SMARCA2: variants seen among roughly 807,000 people sequenced by gnomAD.
SMARCA2 encodes SWI/SNF related BAF chromatin remodeling complex subunit ATPase 2, also known as SWI/SNF-related matrix-associated actin-dependent regulator of chromatin subfamily A member 2.
SMARCA2 carries 61 observed loss-of-function variants against 199.8 expected under a neutral mutation model. That is an observed-to-expected ratio of 0.31 (90% CI 0.25 to 0.38). SMARCA2 has a LOEUF of 0.38. SMARCA2 is among the 10% of genes least tolerant of loss of function. The pLI is 1.00. For synonymous variants in SMARCA2, 935 were observed against 732.0 expected, an observed-to-expected ratio of 1.28 and a Z score of -4.48; for missense variants, 1,344 against 2,012.2, an observed-to-expected ratio of 0.67 and a Z score of 6.35.
In SMARCA2 at chr9:2,160,410, CAT is replaced by C. The variant is rs1426028449; in HGVS notation, c.3982-1273_3982-1272del. On this transcript the variant is annotated intron_variant, in intron 27 of 33. Transcript: ENST00000349721. Reference sequence around the variant, plus strand: ...TGCACATTGGAGGATGCGTAGAAAACATATTTTTTTAAAAATCCCACTGGCAT... The same window carrying C: ...TGCACATTGGAGGATGCGTAGAAAACATTTTTTTAAAAATCCCACTGGCAT... 7.3e-6 allele frequency: 4 copies of C among 549,506 alleles called. No homozygotes were observed. In the African/African-American group the frequency reaches 7.6e-5, roughly 10 times the overall value. The allele number at this position is 549,506 out of a possible 1,614,324, so 34.0% of individuals were successfully genotyped here. A position where few individuals can be genotyped will look rare whatever the true frequency, so the allele number is the denominator to read the frequency against.
intron 27 of SMARCA2, among the ~76,000 whole-genome samples, chr9:2,131,654 G>A (rs979763020): frequency 2.6e-5 from 4 of 152,106 alleles, no homozygotes; most frequent in Non-Finnish European, 5.9e-5. Context: ...TAATTTTGGG[G>A]TTTTCTTCTT....
intron 28 of SMARCA2, among the ~76,000 whole-genome samples, chr9:2,168,230 C>T (rs982884170): frequency 6.6e-6 from 1 of 151,918 alleles, no homozygotes; most frequent in African/African-American, 2.4e-5. Context: ...AGGCTGGTCT[C>T]GAACTCCTGA....
chr9:2,179,543 A>G (rs575677268), intron 29 of SMARCA2, among the ~76,000 whole-genome samples: 15 of 152,216 alleles, frequency 9.9e-5, no homozygotes, highest in African/African-American at 3.4e-4. Flanking sequence ...TTGTCTCCTT[A>G]TGGGGTTTAG....
intron 19 of SMARCA2, among the ~76,000 whole-genome samples, chr9:2,089,345 G>C (rs1821950608): frequency 6.6e-6 from 1 of 152,112 alleles, no homozygotes; most frequent in South Asian, 2.1e-4. Context: ...CATTCTCTTA[G>C]AGACAGTTTA....
chr9:2,167,173 C>G (rs1825974923), intron 28 of SMARCA2, among the ~76,000 whole-genome samples: 1 of 152,202 alleles, frequency 6.6e-6, no homozygotes, highest in South Asian at 2.1e-4. Context: ...AATCTACATG[C>G]TTTTCCAGGA....
intron 8 of SMARCA2, among the ~76,000 whole-genome samples, chr9:2,060,580 G>C (rs1032670725): frequency 2.0e-5 from 3 of 152,250 alleles, no homozygotes; most frequent in African/African-American, 7.2e-5. Flanking sequence ...CACACGTACA[G>C]TGTGGCTTTG....
rs543215359 is a variant in SMARCA2, at chr9:2,191,164, G to A, written c.4595-102G>A. ...AAACCGGGAATGTTCTGGGCACTCT[G>A]GGATGTTTGTGTTGTCTGTAGGTTG... On this transcript the variant is annotated intron_variant, in intron 32 of 33. Coordinates refer to ENST00000349721, the MANE Select transcript of SMARCA2 (RefSeq NM_003070.5). 1.5e-5 allele frequency: 17 copies of A among 1,136,546 alleles called. No homozygotes were observed. In the African/African-American group the frequency reaches 2.0e-4, roughly 13 times the overall value. 70.4% of individuals were successfully genotyped at this position (1,136,546 alleles called of 1,614,324 possible). A position where few individuals can be genotyped will look rare whatever the true frequency, so the allele number is the denominator to read the frequency against.
intron 19 of SMARCA2, among the ~76,000 whole-genome samples, chr9:2,090,604 G>A (rs1037758956): frequency 7.9e-5 from 12 of 152,256 alleles, no homozygotes; most frequent in Non-Finnish European, 1.2e-4. Context: ...GGCACATGGT[G>A]GGCACCCAAC....
At chr9:2,160,486 A>C in intron 27 of SMARCA2, 1 of 587,274 alleles carries the variant, frequency 1.7e-6, no homozygotes, top group South Asian at 2.1e-5. Flanking sequence ...TTTCTTCACA[A>C]AACCTTTCTT....
rs548602584 is a variant in SMARCA2 at position 2,090,133 on chromosome 9, G to C, written c.2883+1520G>C. On this transcript the variant is annotated intron_variant, in intron 19 of 33. Transcript: ENST00000349721. ...ATGAGGTGATTAATTATATCACAAA[G>C]GAATTCTTTGCTTTACAAAAATATT... 1.5e-3 allele frequency among the ~76,000 whole-genome samples: 227 copies of C among 152,206 alleles called. 1 individual carries two copies. The highest frequency in any genetic ancestry group is 3.1e-3 in the Admixed American group (48 of 15,284).
intron 14 of SMARCA2, 60 bp downstream of exon 14, chr9:2,077,836 A>G: frequency 6.7e-7 from 1 of 1,488,910 alleles, no homozygotes; most frequent in Non-Finnish European, 9.2e-7. Context: ...ATTTTGATTG[A>G]AGTATGTCGT....
chr9:2,051,007 C>T (rs961915172), intron 5 of SMARCA2, among the ~76,000 whole-genome samples: 1 of 152,218 alleles, frequency 6.6e-6, no homozygotes, highest in Non-Finnish European at 1.5e-5. Context: ...TGCAGTATTA[C>T]ATCTTGTTGT....
intron 29 of SMARCA2, chr9:2,181,298 T>G (rs927497627): frequency 4.9e-5 from 13 of 262,738 alleles, no homozygotes; most frequent in South Asian, 3.5e-4. Flanking sequence ...AATAAAGAGA[T>G]ATATTTGCTC....
In SMARCA2 at chr9:2,182,150, C is replaced by T. The variant is rs1217286722; in HGVS notation, c.4369C>T (p.Arg1457Cys). The change falls in exon 31 of 34, where the codon CGT becomes TGT. Residue 1457 changes from arginine (R) to cysteine (C), a missense_variant. Arg to Cys is a radical substitution (Grantham distance 180, BLOSUM62 -3). Coordinates refer to ENST00000349721, the MANE Select transcript of SMARCA2 (RefSeq NM_003070.5). ...VDFKKIKERIRNHKYRSLGDL... is the reference protein window; with the variant it reads ...VDFKKIKERICNHKYRSLGDL... ...CCAAAATTTCCATCAGGAAAGGATTCGTAATCATAAGTACCGGAGCCTAGG... is the reference window on the plus strand; with the variant it reads ...CCAAAATTTCCATCAGGAAAGGATTTGTAATCATAAGTACCGGAGCCTAGG... 1.0e-5 allele frequency: 16 copies of T among 1,604,146 alleles called. No individual in the cohort carries two copies. The highest frequency in any genetic ancestry group is 5.0e-5 in the Admixed American group (3 of 59,782).
chr9:2,163,946 C>G (rs566316355), intron 28 of SMARCA2, among the ~76,000 whole-genome samples: 1 of 152,064 alleles, frequency 6.6e-6, no homozygotes, highest in African/African-American at 2.4e-5. Context: ...AGATTTCTTG[C>G]AAAAATTTCC....
chr9:2,077,488 T>G (rs1010482205), intron 13 of SMARCA2, 141 bp from the exon 14 acceptor site: 60 of 734,534 alleles, frequency 8.2e-5, no homozygotes, highest in African/African-American at 1.2e-4. Context: ...TAGTGTATAT[T>G]AACTGCATGG....
In SMARCA2 at chr9:2,084,215, A is replaced by C; in HGVS notation, c.2526+19A>C. The C allele has an allele frequency of 1.5e-6, 2 of 1,346,550 alleles. No homozygotes were observed. The highest frequency in any genetic ancestry group is 2.1e-6 in the Non-Finnish European group (2 of 943,256). 83.4% of individuals were successfully genotyped at this position (1,346,550 alleles called of 1,614,324 possible). A position where few individuals can be genotyped will look rare whatever the true frequency, so the allele number is the denominator to read the frequency against. On this transcript the variant is annotated intron_variant, in intron 17 of 33. Transcript: ENST00000349721. ...TGCAAAGGTATGTTTTTAAAAAATT[A>C]TTTTCTCTCTAATTAGGACCATTGC...
At chr9:2,129,678 C>G (rs1266923797) in intron 27 of SMARCA2, among the ~76,000 whole-genome samples, 4 of 152,210 alleles carry the variant, frequency 2.6e-5, no homozygotes, top group African/African-American at 4.8e-5. Flanking sequence ...GGAGGTCAGA[C>G]TGGCTCACAT....
chr9:2,161,662 G>T lies in SMARCA2; in HGVS notation c.3982-24G>T, dbSNP rs151176995. 6.5e-7 allele frequency: 1 copy of T among 1,536,068 alleles called. No individual in the cohort carries two copies. Among genetic ancestry groups the T allele is most frequent in the Non-Finnish European group, 9.0e-7 (1 of 1,113,712 alleles). On this transcript the variant is annotated intron_variant, in intron 27 of 33. Coordinates refer to ENST00000349721, the MANE Select transcript of SMARCA2 (RefSeq NM_003070.5). This position sits in a 1 kb window ranked among gnomAD's most constrained non-coding sequence, Gnocchi z 4.7. ...TTGGTTATTCTCTTGTCTTGAATTT[G>T]TCTCCTTTGTTTCCAACGAACAGGC...
Sources: allele counts gnomAD v4.1 joint callset (sites outside exome capture counted in the v4.1 genomes callset), GRCh38; gene constraint gnomAD v4.1.1; non-coding constraint Gnocchi (gnomAD v3.1); transcripts MANE v1.5; gene names NCBI Gene and HGNC (gene_info 2026-07-23, HGNC 2026-07-21).